Variants in UMAD1 observed in about 807,000 individuals in gnomAD.
The protein encoded by UMAD1 is UBAP1-MVB12-associated (UMA) domain containing 1.
In UMAD1, 8 loss-of-function variants were observed where a neutral mutation model predicts 6.1. The observed-to-expected ratio is 1.30, with a 90% CI of 0.76 to 2.35. The LOEUF is 2.35. Among genes scored for constraint, UMAD1 ranks in the 30% most tolerant of loss-of-function variants. The pLI, the probability that UMAD1 is intolerant of heterozygous loss-of-function variation, is 0.00. For missense variants in UMAD1, 130 were observed against 78.4 expected (o/e 1.66, Z -2.49); for synonymous variants, 56 against 31.4 (o/e 1.78, Z -2.61).
intron 3 of UMAD1, among the ~76,000 whole-genome samples, chr7:7,845,208 T>C (rs1053225807): frequency 6.6e-6 from 1 of 152,114 alleles, no homozygotes; most frequent in Non-Finnish European, 1.5e-5. Context: ...TGTTTTGGAC[T>C]GACGTTTTAG....
intron 3 of UMAD1, among the ~76,000 whole-genome samples, chr7:7,819,955 A>C (rs1212922500): frequency 2.6e-5 from 4 of 152,214 alleles, no homozygotes; most frequent in Non-Finnish European, 5.9e-5. Flanking sequence ...GTGGTTAAAA[A>C]AATTGTGTTA....
At chr7:7,751,505 T>C (rs753932888) in intron 2 of UMAD1, among the ~76,000 whole-genome samples, 12 of 152,220 alleles carry the variant, frequency 7.9e-5, no homozygotes, top group Non-Finnish European at 1.6e-4. Flanking sequence ...AGCTTTGCAA[T>C]GTGGAAAAGT....
At chr7:7,655,449 C>G (rs1785317975) in intron 1 of UMAD1, among the ~76,000 whole-genome samples, 1 of 152,100 alleles carries the variant, frequency 6.6e-6, no homozygotes, top group South Asian at 2.1e-4. Flanking sequence ...CTGTTGAACC[C>G]TATACAGTGA....
intron 2 of UMAD1, among the ~76,000 whole-genome samples, chr7:7,778,275 T>TGTGAGA (rs1271237125): frequency 0.028 from 3,130 of 110,060 alleles, 48 homozygotes; most frequent in Admixed American, 0.061. Flanking sequence ...TGTGTGTGTG[T>TGTGAGA]GAGAGAGAGA....
intron 2 of UMAD1, among the ~76,000 whole-genome samples, chr7:7,762,830 G>C (rs180889095): frequency 9.9e-5 from 15 of 152,164 alleles, no homozygotes; most frequent in African/African-American, 2.4e-4. Context: ...TTCGTCGAAG[G>C]CTTCATGAGT....
At position 7,877,644 on chromosome 7, in the gene UMAD1, A is replaced by T; in HGVS notation, c.*106A>T. ...TCACTGTTTAAGGTCCTCAGCAAGG[A>T]TCATAAAGCAAAGAAAATAGCATTA... On this transcript the variant is annotated 3_prime_UTR_variant, in exon 4 of 4. Coordinates refer to ENST00000682710, the MANE Select transcript of UMAD1 (RefSeq NM_001302348.2). 1.6e-6 allele frequency: 1 copy of T among 622,686 alleles called. No individual in the cohort carries two copies. Among genetic ancestry groups the T allele is most frequent in the Non-Finnish European group, 2.9e-6 (1 of 345,014 alleles). The allele number at this position is 622,686 out of a possible 1,614,324, so 38.6% of individuals were successfully genotyped here.
rs138246839 is a variant in UMAD1, at chr7:7,774,813, A to G, written c.83-26857A>G. ...GTCTCAGTAGATAAGTTCTTCCCCA[A>G]TTTTGCCAGGAAGGTTGAGCAAAGC... On this transcript the variant is annotated intron_variant, in intron 2 of 3. Coordinates refer to ENST00000682710, the MANE Select transcript of UMAD1 (RefSeq NM_001302348.2). Among the ~76,000 whole-genome samples, 179 of 152,156 alleles carry G rather than the reference A, an allele frequency of 1.2e-3. 1 individual carries two copies. The highest frequency in any genetic ancestry group is 4.1e-3 in the African/African-American group (170 of 41,522).
At chr7:7,865,705 C>T (rs1238224832) in intron 3 of UMAD1, among the ~76,000 whole-genome samples, 1 of 152,170 alleles carries the variant, frequency 6.6e-6, no homozygotes, top group East Asian at 1.9e-4. Context: ...GTCCATTGTC[C>T]CCAAGCATAG....
intron 3 of UMAD1, among the ~76,000 whole-genome samples, chr7:7,876,613 C>G (rs185930547): frequency 6.6e-6 from 1 of 152,080 alleles, no homozygotes; most frequent in African/African-American, 2.4e-5. Context: ...TAAAAAATTG[C>G]GTAACTTTTA....
At chr7:7,783,085 A>G (rs995221392) in intron 2 of UMAD1, among the ~76,000 whole-genome samples, 1 of 152,176 alleles carries the variant, frequency 6.6e-6, no homozygotes, top group Non-Finnish European at 1.5e-5. Flanking sequence ...AGTCTGATCT[A>G]GAGATTAACT....
chr7:7,711,148 G>T (rs556892407), intron 2 of UMAD1, among the ~76,000 whole-genome samples: 21 of 152,176 alleles, frequency 1.4e-4, no homozygotes, highest in Middle Eastern at 3.2e-3. Flanking sequence ...TATCCTGGTT[G>T]TGGTATTGAA....
At chr7:7,812,790 C>T (rs2115286046) in intron 3 of UMAD1, among the ~76,000 whole-genome samples, 1 of 140,704 alleles carries the variant, frequency 7.1e-6, no homozygotes, top group South Asian at 2.4e-4. Flanking sequence ...TTCCCTATTT[C>T]ACACAGCCAT....
At chr7:7,686,037 C>G (rs779806778) in intron 2 of UMAD1, 4 of 152,206 alleles carry the variant, frequency 2.6e-5, no homozygotes, top group Non-Finnish European at 5.9e-5. Context: ...GCCAGAGAAT[C>G]AGCATTTTAA....
chr7:7,877,449 G>A lies in UMAD1; in HGVS notation c.325G>A (p.Asp109Asn), dbSNP rs1246325704. 5.6e-6 allele frequency: 4 copies of A among 717,534 alleles called. No homozygotes were observed. Among genetic ancestry groups the A allele is most frequent in the Admixed American group, 2.0e-5 (1 of 49,996 alleles). The allele number at this position is 717,534 out of a possible 1,614,324, so 44.4% of individuals were successfully genotyped here. A position where few individuals can be genotyped will look rare whatever the true frequency, so the allele number is the denominator to read the frequency against. Residue 109 changes from aspartate (D) to asparagine (N), a missense_variant, in exon 4 of 4, where the codon GAC (aspartate) becomes AAC (asparagine). Transcript: ENST00000682710. The stretch of plus-strand genomic sequence containing the variant: ...ACAGGGCACCATCACTGACCTTCCC[G>A]ACCACTTACTCTCCTATGATGGCAG... ...AVQGTITDLP[D>N]HLLSYDGSEN...
chr7:7,772,089 T>G (rs1048897377), intron 2 of UMAD1, among the ~76,000 whole-genome samples: 1 of 152,210 alleles, frequency 6.6e-6, no homozygotes, highest in African/African-American at 2.4e-5. Flanking sequence ...TTGTGATTAC[T>G]GTTTGAGCAT....
At chr7:7,676,861 C>T (rs1779753807) in intron 2 of UMAD1, among the ~76,000 whole-genome samples, 1 of 151,976 alleles carries the variant, frequency 6.6e-6, no homozygotes, top group South Asian at 2.1e-4. Context: ...AGTTAATTGT[C>T]TTTAAAGTTA....
intron 3 of UMAD1, among the ~76,000 whole-genome samples, chr7:7,817,938 C>T (rs956793770): frequency 5.9e-5 from 9 of 152,060 alleles, no homozygotes; most frequent in Admixed American, 5.9e-4. Flanking sequence ...CTCAGCCTCT[C>T]GAGTCACTGG....
chr7:7,871,190 A>T (rs1453104824), intron 3 of UMAD1, among the ~76,000 whole-genome samples: 2 of 152,078 alleles, frequency 1.3e-5, no homozygotes, highest in African/African-American at 4.8e-5. Context: ...CACCTTAATG[A>T]TTTTCTCAGT....
intron 2 of UMAD1, among the ~76,000 whole-genome samples, chr7:7,730,706 A>C (rs797020068): frequency 2.6e-5 from 4 of 152,326 alleles, no homozygotes; most frequent in African/African-American, 9.6e-5. Flanking sequence ...TAAAAACAAA[A>C]CAAAACAAAA....
Sources: allele counts gnomAD v4.1 joint callset (sites outside exome capture counted in the v4.1 genomes callset), GRCh38; gene constraint gnomAD v4.1.1; transcripts MANE v1.5; gene names NCBI Gene and HGNC (gene_info 2026-07-23, HGNC 2026-07-21).